Variants in XKR4 observed in about 807,000 individuals in gnomAD.
XKR4 encodes the protein XK related 4.
Under a neutral mutation model 53.9 loss-of-function variants are expected in XKR4, and 12 were observed. The observed-to-expected ratio is 0.22, with a 90% CI of 0.14 to 0.36. XKR4 has a LOEUF of 0.36. Ranked by LOEUF, XKR4 falls within the 10% of genes least tolerant of loss-of-function variation. The probability of loss-of-function intolerance (pLI) is 1.00; values close to 1 mark genes in which losing one functional copy is unlikely to be tolerated. For synonymous variants in XKR4, 354 were observed against 362.4 expected, an observed-to-expected ratio of 0.98 and a Z score of 0.26; for missense variants, 799 against 859.5, an observed-to-expected ratio of 0.93 and a Z score of 0.88.
At chr8:55,327,950 T>C (rs1803318814) in intron 1 of XKR4, among the ~76,000 whole-genome samples, 1 of 152,226 alleles carries the variant, frequency 6.6e-6, no homozygotes, top group South Asian at 2.1e-4. Context: ...CTAGTGGTGA[T>C]GATGTCAACC....
intron 2 of XKR4, among the ~76,000 whole-genome samples, chr8:55,410,538 C>T (rs895866478): frequency 6.6e-6 from 1 of 152,218 alleles, no homozygotes; most frequent in Non-Finnish European, 1.5e-5. Context: ...TCTCAGACAC[C>T]CAGGCTAGTA....
At chr8:55,453,129 C>A (rs1040219061) in intron 2 of XKR4, 3 of 528,224 alleles carry the variant, frequency 5.7e-6, no homozygotes, top group African/African-American at 3.8e-5. Flanking sequence ...CCCAGTAGAA[C>A]ACGGCCTCCC....
chr8:55,457,493 T>A (rs1407452134), intron 2 of XKR4, among the ~76,000 whole-genome samples: 3 of 152,230 alleles, frequency 2.0e-5, no homozygotes, highest in African/African-American at 7.2e-5. Flanking sequence ...ATCAAAACTA[T>A]TCCCCAAAAA....
At chr8:55,175,774 G>A (rs538903436) in intron 1 of XKR4, among the ~76,000 whole-genome samples, 2 of 152,280 alleles carry the variant, frequency 1.3e-5, no homozygotes, top group African/African-American at 2.4e-5. Flanking sequence ...TATTTATAGA[G>A]AAGACCATAT....
intron 2 of XKR4, among the ~76,000 whole-genome samples, chr8:55,512,250 G>C (rs547956396): frequency 6.6e-6 from 1 of 152,262 alleles, no homozygotes; most frequent in East Asian, 1.9e-4. Flanking sequence ...CTTCCCTCTG[G>C]CACACTCTGC....
chr8:55,134,496 C>T (rs1175410572), intron 1 of XKR4, among the ~76,000 whole-genome samples: 1 of 152,202 alleles, frequency 6.6e-6, no homozygotes, highest in Non-Finnish European at 1.5e-5. Flanking sequence ...ATAATGTTAA[C>T]TACGTTCATT....
chr8:55,248,746 A>G (rs1585966068), intron 1 of XKR4, among the ~76,000 whole-genome samples: 1 of 152,096 alleles, frequency 6.6e-6, no homozygotes, highest in Non-Finnish European at 1.5e-5. Context: ...CTTTCATGTA[A>G]GTTAAACTTT....
intron 2 of XKR4, among the ~76,000 whole-genome samples, chr8:55,494,122 G>A (rs974002546): frequency 3.9e-5 from 6 of 152,268 alleles, no homozygotes; most frequent in African/African-American, 1.4e-4. Flanking sequence ...GTGTATGAGT[G>A]GAGTGTGGGG....
At chr8:55,146,893 G>T (rs772282710) in intron 1 of XKR4, among the ~76,000 whole-genome samples, 1 of 152,334 alleles carries the variant, frequency 6.6e-6, no homozygotes, top group East Asian at 1.9e-4. Flanking sequence ...GGGGGCAGCT[G>T]CTTCTGCCCA....
At chr8:55,432,836 T>G (rs1311484989) in intron 2 of XKR4, among the ~76,000 whole-genome samples, 1 of 151,154 alleles carries the variant, frequency 6.6e-6, no homozygotes, top group Non-Finnish European at 1.5e-5. Flanking sequence ...CCTTCTACAC[T>G]AGAGGAGAGG....
chr8:55,477,959 C>A (rs1401293525), intron 2 of XKR4, among the ~76,000 whole-genome samples: 1 of 152,118 alleles, frequency 6.6e-6, no homozygotes, highest in African/African-American at 2.4e-5. Context: ...GGGGAGAATG[C>A]AACCAAGTTG....
chr8:55,451,676 G>T, intron 2 of XKR4: 1 of 1,535,128 alleles, frequency 6.5e-7, no homozygotes. Context: ...GGCACGATCA[G>T]CAGCCCCGGG....
At chr8:55,453,381 G>T in intron 2 of XKR4, 1 of 438,916 alleles carries the variant, frequency 2.3e-6, no homozygotes. Flanking sequence ...TCCCGGGTGA[G>T]GCAGTGGCAG....
At chr8:55,338,618 A>T (rs1803499337) in intron 1 of XKR4, among the ~76,000 whole-genome samples, 1 of 152,168 alleles carries the variant, frequency 6.6e-6, no homozygotes, top group Non-Finnish European at 1.5e-5. Context: ...AAACACTGCA[A>T]CTCAACAAGA....
At position 55,530,814 on chromosome 8, in the gene XKR4, TC is replaced by T. The variant is rs1281606589; in HGVS notation, c.*6589del. ...TATTTTATAGATGAGACAACTGAGA[TC>T]CAAAAAGAACAGGTAATTTTTGTGA... is the stretch of plus-strand genomic sequence containing the variant. On this transcript the variant is annotated 3_prime_UTR_variant, in exon 3 of 3. Transcript: ENST00000327381. The T allele has an allele frequency of 6.6e-6, 1 of 152,148 alleles. No homozygotes were observed. The highest frequency in any genetic ancestry group is 1.9e-4 in the East Asian group (1 of 5,202). The allele number at this position is 152,148 out of a possible 1,614,324, so 9.4% of individuals were successfully genotyped here.
At position 55,525,784 on chromosome 8, in the gene XKR4, C is replaced by A. The variant is rs933993332; in HGVS notation, c.*1557C>A. 1 of 152,432 alleles carries A rather than the reference C, an allele frequency of 6.6e-6. No individual in the cohort carries two copies. Among genetic ancestry groups the A allele is most frequent in the African/African-American group, 2.4e-5 (1 of 41,382 alleles). The allele number at this position is 152,432 out of a possible 1,614,324, so 9.4% of individuals were successfully genotyped here. A position where few individuals can be genotyped will look rare whatever the true frequency, so the allele number is the denominator to read the frequency against. ...TAGGCATCATCACATTTTTTATAGA[C>A]CTGGAATCGTTTAAAATACTTTAAG... On this transcript the variant is annotated 3_prime_UTR_variant, in exon 3 of 3. Transcript: ENST00000327381.
chr8:55,460,029 AT>A (rs1805630301), intron 2 of XKR4, among the ~76,000 whole-genome samples: 1 of 151,970 alleles, frequency 6.6e-6, no homozygotes, highest in Non-Finnish European at 1.5e-5. Context: ...AAAAAACCAA[AT>A]GTCCATCAAC....
At chr8:55,393,332 G>T (rs1439220262) in intron 2 of XKR4, among the ~76,000 whole-genome samples, 1 of 151,662 alleles carries the variant, frequency 6.6e-6, no homozygotes, top group Non-Finnish European at 1.5e-5. Context: ...ATTTCTAAAG[G>T]ATAATTGGTC....
intron 1 of XKR4, among the ~76,000 whole-genome samples, chr8:55,347,711 C>T (rs1251668721): frequency 6.6e-6 from 1 of 152,168 alleles, no homozygotes; most frequent in Non-Finnish European, 1.5e-5. Flanking sequence ...CTCCCATTAG[C>T]ACTAATGAGA....
Sources: gnomAD v4.1 joint callset for allele counts (sites outside exome capture counted in the v4.1 genomes callset) on GRCh38, gnomAD v4.1.1 for gene constraint, MANE v1.5 for transcripts, NCBI Gene and HGNC (gene_info 2026-07-23, HGNC 2026-07-21) for gene names.